The following GRM5 variants were observed in gnomAD, a reference collection of about 807,000 sequenced individuals.
GRM5 encodes glutamate metabotropic receptor 5, also known as metabotropic glutamate receptor 5.
Under a neutral mutation model 83.1 loss-of-function variants are expected in GRM5, and 19 were observed. The ratio of observed to expected loss-of-function variants is 0.23; its 90% CI spans 0.16 to 0.34. The LOEUF (loss-of-function observed/expected upper bound fraction) is 0.34, where lower values mean the gene tolerates loss of function less well. Among genes scored for constraint, GRM5 ranks in the 10% least tolerant of loss-of-function variants. The pLI, the probability that GRM5 is intolerant of heterozygous loss-of-function variation, is 1.00. For synonymous variants in GRM5, 675 were observed against 633.6 expected, an observed-to-expected ratio of 1.07 and a Z score of -0.98; for missense variants, 1,160 against 1,588.3, an observed-to-expected ratio of 0.73 and a Z score of 4.58.
At chr11:88,996,699 G>A (rs1591033003) in intron 2 of GRM5, among the ~76,000 whole-genome samples, 1 of 152,122 alleles carries the variant, frequency 6.6e-6, no homozygotes, top group African/African-American at 2.4e-5. Context: ...CCATCCAAGA[G>A]AAGAATACGT....
intron 6 of GRM5, among the ~76,000 whole-genome samples, chr11:88,595,718 A>G (rs1383250304): frequency 1.3e-5 from 2 of 152,062 alleles, no homozygotes; most frequent in African/African-American, 2.4e-5. Context: ...CTCAATTTTC[A>G]TGCCTTTCCC....
chr11:88,936,969 A>G (rs557268401), intron 2 of GRM5, among the ~76,000 whole-genome samples: 9 of 151,880 alleles, frequency 5.9e-5, no homozygotes, highest in African/African-American at 2.2e-4. Flanking sequence ...TGGAGGATGG[A>G]AAGATTAGAA....
At chr11:88,632,731 T>C (rs1297003327) in intron 4 of GRM5, among the ~76,000 whole-genome samples, 1 of 152,240 alleles carries the variant, frequency 6.6e-6, no homozygotes, top group African/African-American at 2.4e-5. Context: ...ATGGTGGGTA[T>C]ATGTTTAACT....
At chr11:88,782,979 G>T (rs904519776) in intron 3 of GRM5, among the ~76,000 whole-genome samples, 4 of 152,178 alleles carry the variant, frequency 2.6e-5, no homozygotes, top group Admixed American at 6.6e-5. Context: ...GACAATTGAA[G>T]TTTGGAGATT....
intron 4 of GRM5, among the ~76,000 whole-genome samples, chr11:88,649,333 T>TATACATTAC (rs1939565703): frequency 6.4e-5 from 9 of 140,816 alleles, no homozygotes; most frequent in South Asian, 4.2e-4. Context: ...ATGTAATACA[T>TATACATTAC]ATATTACATA....
At chr11:88,778,456 G>T (rs1942905979) in intron 3 of GRM5, among the ~76,000 whole-genome samples, 1 of 152,170 alleles carries the variant, frequency 6.6e-6, no homozygotes, top group African/African-American at 2.4e-5. Flanking sequence ...TCTGTGGGCT[G>T]CACCCACTGT....
chr11:89,041,981 A>T (rs1261571182), intron 2 of GRM5, among the ~76,000 whole-genome samples: 1 of 152,216 alleles, frequency 6.6e-6, no homozygotes. Flanking sequence ...ACGACCCAGG[A>T]AAAGGAGCAC....
intron 2 of GRM5, among the ~76,000 whole-genome samples, chr11:88,960,250 G>C (rs558614817): frequency 6.6e-6 from 1 of 152,230 alleles, no homozygotes; most frequent in African/African-American, 2.4e-5. Flanking sequence ...ATTTGGGAAT[G>C]ACTGGAAGGC....
chr11:88,849,867 T>A (rs1175590326), intron 3 of GRM5, 39 bp downstream of exon 3: 1 of 1,597,176 alleles, frequency 6.3e-7, no homozygotes, highest in Admixed American at 1.7e-5. Context: ...GCCAAATTCC[T>A]GGTATTAACT....
At position 88,926,370 on chromosome 11, in the gene GRM5, T is replaced by G. The variant is rs1258141301; in HGVS notation, c.662-76215A>C. ...CACTAGCATGTTGAAAGATAACATT[T>G]TATGGGTAAAATAAGTACTTATTGC... is the stretch of plus-strand genomic sequence containing the variant. On this transcript the variant is annotated intron_variant, in intron 2 of 9. Transcript: ENST00000305447. Among the ~76,000 whole-genome samples, 6 of 152,144 alleles carry G rather than the reference T, an allele frequency of 3.9e-5. No individual in the cohort carries two copies. The South Asian group carries it at 6.2e-4, about 16-fold the overall frequency.
At chr11:88,643,234 G>A (rs1057356111) in intron 4 of GRM5, among the ~76,000 whole-genome samples, 1 of 150,812 alleles carries the variant, frequency 6.6e-6, no homozygotes, top group African/African-American at 2.4e-5. Flanking sequence ...GCCAGAGCAG[G>A]AGCAAAAGAC....
At position 88,984,852 on chromosome 11, in the gene GRM5, C is replaced by T. The variant is rs765496258; in HGVS notation, c.661+62360G>A. 41 of 716,444 alleles carry T rather than the reference C, an allele frequency of 5.7e-5. No individual in the cohort carries two copies. The African/African-American group carries it at 5.7e-4, about 10-fold the overall frequency. 44.4% of individuals were successfully genotyped at this position (716,444 alleles called of 1,614,324 possible). On this transcript the variant is annotated intron_variant, in intron 2 of 9. Transcript: ENST00000305447. ...ACTAAAGAATCATTCCATCTAATTT[C>T]TTCAAATCTCAAGAACACACACCTG... is the stretch of plus-strand genomic sequence containing the variant.
At chr11:88,824,688 A>G (rs77647307) in intron 3 of GRM5, among the ~76,000 whole-genome samples, 3,881 of 152,144 alleles carry the variant, frequency 0.026, 175 homozygotes, top group African/African-American at 0.089. Flanking sequence ...TCACAGTTCA[A>G]GTAGAATGCT....
intron 2 of GRM5, among the ~76,000 whole-genome samples, chr11:88,853,826 C>T (rs1944426660): frequency 6.6e-6 from 1 of 151,424 alleles, no homozygotes; most frequent in African/African-American, 2.4e-5. Context: ...ATAAAATTCA[C>T]AGAAGTTCTT....
rs1017245438 is a variant in GRM5, at chr11:88,522,613, G to C, written c.2726+2696C>G. ...GCTCTCTCTCTCTCTCTGTGTGTGT[G>C]TGTGTGTGTGTGTGTGTGTGTGTGT... is the stretch of plus-strand genomic sequence containing the variant. On this transcript the variant is annotated intron_variant, in intron 9 of 9. Transcript: ENST00000305447. Among the ~76,000 whole-genome samples, 294 of 127,358 alleles carry C rather than the reference G, an allele frequency of 2.3e-3. 5 individuals are homozygous for C. Among genetic ancestry groups the C allele is most frequent in the African/African-American group, 8.4e-3 (258 of 30,764 alleles). The allele number at this position is 127,358 out of a possible 152,430, so 83.6% of individuals were successfully genotyped here.
chr11:88,924,917 C>T (rs1945760053), intron 2 of GRM5, among the ~76,000 whole-genome samples: 1 of 151,720 alleles, frequency 6.6e-6, no homozygotes, highest in Admixed American at 6.6e-5. Context: ...ATCAAAATAT[C>T]ATTTTGTATA....
At chr11:88,921,965 G>T (rs964558538) in intron 2 of GRM5, among the ~76,000 whole-genome samples, 1 of 149,084 alleles carries the variant, frequency 6.7e-6, no homozygotes, top group African/African-American at 2.5e-5. Flanking sequence ...ATATGAAAAA[G>T]AAATCAAGAA....
chr11:88,860,562 C>G, intron 2 of GRM5, among the ~76,000 whole-genome samples: 1 of 152,106 alleles, frequency 6.6e-6, no homozygotes, highest in Non-Finnish European at 1.5e-5. Flanking sequence ...TCCTCTACAG[C>G]GCAGCCAAAA....
chr11:88,612,301 C>T (rs1454133750), intron 4 of GRM5, among the ~76,000 whole-genome samples: 2 of 150,282 alleles, frequency 1.3e-5, no homozygotes, highest in African/African-American at 4.9e-5. Flanking sequence ...ATGAACCCAT[C>T]ATTTTTTATG....
Sources: gnomAD v4.1 joint callset for allele counts (sites outside exome capture counted in the v4.1 genomes callset) on GRCh38, gnomAD v4.1.1 for gene constraint, MANE v1.5 for transcripts, NCBI Gene and HGNC (gene_info 2026-07-23, HGNC 2026-07-21) for gene names.